S100Z: variants seen among roughly 807,000 people sequenced by gnomAD.
S100Z encodes protein S100-Z.
Under a neutral mutation model 8.5 loss-of-function variants are expected in S100Z, and 11 were observed. That is an observed-to-expected ratio of 1.30 (90% CI 0.82 to 2.15). The LOEUF (loss-of-function observed/expected upper bound fraction) is 2.15. Ranked by LOEUF, S100Z falls within the 30% of genes most tolerant of loss-of-function variation. The pLI, the probability that S100Z is intolerant of heterozygous loss-of-function variation, is 0.00. For missense variants in S100Z, 126 were observed against 117.9 expected (o/e 1.07, Z -0.32); for synonymous variants, 34 against 43.8 (o/e 0.78, Z 0.89).
At chr5:76,855,700 T>TTTTGGAA (rs1750862922) in intron 1 of S100Z, among the ~76,000 whole-genome samples, 1 of 152,116 alleles carries the variant, frequency 6.6e-6, no homozygotes, top group South Asian at 2.1e-4. Flanking sequence ...TCAGATGAGA[T>TTTTGGAA]TTTGGACTTT....
At chr5:76,859,310 T>C (rs140347142) in intron 1 of S100Z, among the ~76,000 whole-genome samples, 1 of 152,240 alleles carries the variant, frequency 6.6e-6, no homozygotes, top group East Asian at 1.9e-4. Flanking sequence ...CGGAGCTGCT[T>C]TCACCACCAC....
intron 1 of S100Z, among the ~76,000 whole-genome samples, chr5:76,853,093 A>G (rs1750776758): frequency 6.6e-6 from 1 of 152,330 alleles, no homozygotes; most frequent in African/African-American, 2.4e-5. Flanking sequence ...CCCTTGAAGC[A>G]CAGCTGCTTA....
At chr5:76,922,458 A>G (rs916832725), downstream of S100Z, among the ~76,000 whole-genome samples, 3 of 152,086 alleles carry the variant, frequency 2.0e-5, no homozygotes, top group East Asian at 1.9e-4. Context: ...ACCTTCCCAT[A>G]ATGTCTCCCT....
At chr5:76,878,651 G>C (rs185330815) in intron 4 of S100Z, among the ~76,000 whole-genome samples, 103 of 152,320 alleles carry the variant, frequency 6.8e-4, no homozygotes, top group Non-Finnish European at 1.3e-3. Context: ...TTTTAAGAAA[G>C]GGAGTGATAT....
chr5:76,928,682 A>G, the S100Z span, among the ~76,000 whole-genome samples: 1 of 152,214 alleles, frequency 6.6e-6, no homozygotes, highest in African/African-American at 2.4e-5. Flanking sequence ...CTTTAATCCT[A>G]TGAAAATTCC....
chr5:76,871,101 T>C (rs1414521155), intron 2 of S100Z, among the ~76,000 whole-genome samples: 1 of 152,204 alleles, frequency 6.6e-6, no homozygotes. Flanking sequence ...ATTGTACCTC[T>C]TTCCTTTTGG....
At chr5:76,951,025 A>T in the S100Z span, among the ~76,000 whole-genome samples, 3 of 147,156 alleles carry the variant, frequency 2.0e-5, no homozygotes, top group Non-Finnish European at 4.5e-5. Flanking sequence ...ATTACCATTA[A>T]TTTTTTTTTT....
At chr5:76,893,786 TC>T (rs879429621) in intron 4 of S100Z, among the ~76,000 whole-genome samples, 4 of 152,112 alleles carry the variant, frequency 2.6e-5, no homozygotes, top group Non-Finnish European at 4.4e-5. Context: ...TTCTGGAGAA[TC>T]CTCTTCTAAT....
At chr5:76,932,377 G>A in the S100Z span, among the ~76,000 whole-genome samples, 27 of 152,094 alleles carry the variant, frequency 1.8e-4, 1 homozygote, top group African/African-American at 6.5e-4. Context: ...TTTGAGACAG[G>A]GTCTCTCACT....
intron 1 of S100Z, among the ~76,000 whole-genome samples, chr5:76,863,687 C>A (rs367893978): frequency 6.6e-6 from 1 of 151,930 alleles, no homozygotes; most frequent in East Asian, 1.9e-4. Context: ...TACAGGCACC[C>A]GCCACCACAC....
intron 4 of S100Z, among the ~76,000 whole-genome samples, chr5:76,912,524 C>A (rs2150681535): frequency 6.6e-6 from 1 of 152,250 alleles, no homozygotes; most frequent in East Asian, 1.9e-4. Context: ...GTTAGCAGAA[C>A]TAGTGGTGCT....
intron 4 of S100Z, among the ~76,000 whole-genome samples, chr5:76,893,057 C>A (rs548177960): frequency 1.3e-5 from 2 of 152,220 alleles, no homozygotes; most frequent in South Asian, 4.2e-4. Flanking sequence ...AAATGGGAGG[C>A]AGTTTTGTGC....
At chr5:76,917,515 G>C (rs1744891361) in intron 4 of S100Z, among the ~76,000 whole-genome samples, 1 of 152,134 alleles carries the variant, frequency 6.6e-6, no homozygotes, top group Non-Finnish European at 1.5e-5. Context: ...TGGTTTTCCA[G>C]AGGGAAAGCT....
At chr5:76,856,778 C>T (rs1206240138) in intron 1 of S100Z, among the ~76,000 whole-genome samples, 7 of 152,034 alleles carry the variant, frequency 4.6e-5, no homozygotes, top group African/African-American at 1.2e-4. Context: ...TGTACTGATA[C>T]GACTCTCAGG....
chr5:76,875,206 T>C, intron 2 of S100Z, 98 bp from the exon 3 acceptor site: 1 of 690,066 alleles, frequency 1.4e-6, no homozygotes, highest in Non-Finnish European at 2.3e-6. Context: ...ATTATGTTTT[T>C]AACAACCATC....
chr5:76,935,769 CTTT>C, the S100Z span, among the ~76,000 whole-genome samples: 4 of 143,320 alleles, frequency 2.8e-5, no homozygotes, highest in Middle Eastern at 3.7e-3. Context: ...AAAATAATGA[CTTT>C]TTTTTTTTTT....
chr5:76,912,838 CAGAA>C (rs1005542907), intron 4 of S100Z, among the ~76,000 whole-genome samples: 6 of 150,784 alleles, frequency 4.0e-5, no homozygotes, highest in African/African-American at 9.8e-5. Context: ...GAGAAAGAGA[CAGAA>C]AGAGAGAGAG....
At chr5:76,938,553 A>C in the S100Z span, among the ~76,000 whole-genome samples, 4 of 152,188 alleles carry the variant, frequency 2.6e-5, no homozygotes, top group Admixed American at 1.3e-4. Flanking sequence ...CTGAGCCCCC[A>C]CAGTGTCTTC....
At chr5:76,902,740 C>T (rs553059458) in intron 4 of S100Z, among the ~76,000 whole-genome samples, 2 of 151,630 alleles carry the variant, frequency 1.3e-5, no homozygotes, top group African/African-American at 4.8e-5. Flanking sequence ...TCTTGGTCTG[C>T]CCCCCACCAT....
Sources: gnomAD v4.1 joint callset for allele counts (sites outside exome capture counted in the v4.1 genomes callset) on GRCh38, gnomAD v4.1.1 for gene constraint, MANE v1.5 for transcripts, NCBI Gene and HGNC (gene_info 2026-07-23, HGNC 2026-07-21) for gene names.